NEU3: variants seen among roughly 807,000 people sequenced by gnomAD.
NEU3 encodes the protein sialidase-3.
NEU3 carries 10 observed loss-of-function variants against 11.4 expected under a neutral mutation model. That is an observed-to-expected ratio of 0.88 (90% CI 0.54 to 1.49). The LOEUF is 1.49. Among genes scored for constraint, NEU3 ranks in the 40% most tolerant of loss-of-function variants. NEU3 has a pLI of 0.00. For missense variants in NEU3, 529 were observed against 581.8 expected, an observed-to-expected ratio of 0.91 and a Z score of 0.93; for synonymous variants, 212 against 228.2, an observed-to-expected ratio of 0.93 and a Z score of 0.64.
intron 1 of NEU3, among the ~76,000 whole-genome samples, 173 bp downstream of exon 1, chr11:74,989,327 C>T (rs1201159323): frequency 6.6e-6 from 1 of 152,206 alleles, no homozygotes; most frequent in African/African-American, 2.4e-5. Flanking sequence ...TATTTTTATT[C>T]GTTCTCACAG....
chr11:74,990,013 A>G (rs886453869), intron 1 of NEU3: 17 of 702,424 alleles, frequency 2.4e-5, no homozygotes, highest in Admixed American at 1.0e-4. Flanking sequence ...ATCACCATCT[A>G]TATTACTTCT....
intron 2 of NEU3, among the ~76,000 whole-genome samples, chr11:74,998,727 C>T (rs752174709): frequency 1.3e-5 from 2 of 152,218 alleles, no homozygotes; most frequent in Non-Finnish European, 2.9e-5. Context: ...AACATTGGCT[C>T]ACATTTCTCT....
At chr11:75,001,651 G>T (rs1032674535) in intron 2 of NEU3, among the ~76,000 whole-genome samples, 9 of 152,272 alleles carry the variant, frequency 5.9e-5, no homozygotes, top group Middle Eastern at 3.4e-3. Context: ...TCTCTGTCAA[G>T]CCTCAGCTTG....
chr11:75,017,511 C>T (rs780797839), intron 3 of NEU3, among the ~76,000 whole-genome samples: 1 of 152,202 alleles, frequency 6.6e-6, no homozygotes, highest in Non-Finnish European at 1.5e-5. Flanking sequence ...AAGGCTGCAA[C>T]TGTCAGAAGG....
At chr11:75,015,040 G>A (rs1256777530), downstream of NEU3, among the ~76,000 whole-genome samples, 1 of 152,100 alleles carries the variant, frequency 6.6e-6, no homozygotes, top group Non-Finnish European at 1.5e-5. Flanking sequence ...CCCATAATGT[G>A]TGCGCAATGT....
At chr11:75,015,665 T>C (rs1948977739), downstream of NEU3, among the ~76,000 whole-genome samples, 1 of 152,108 alleles carries the variant, frequency 6.6e-6, no homozygotes, top group South Asian at 2.1e-4. Context: ...CTTCTTCATA[T>C]ATTACCTTAC....
intron 1 of NEU3, 143 bp downstream of exon 1, chr11:74,989,297 A>T (rs1948705975): frequency 1.5e-6 from 1 of 660,000 alleles, no homozygotes; most frequent in Non-Finnish European, 2.6e-6. Context: ...TGACCTGGCC[A>T]GAGAATTCTT....
intron 2 of NEU3, among the ~76,000 whole-genome samples, chr11:75,005,210 T>C (rs1948884943): frequency 6.6e-6 from 1 of 152,212 alleles, no homozygotes; most frequent in African/African-American, 2.4e-5. Flanking sequence ...AGGAGACAGC[T>C]TGTACAACAT....
chr11:74,982,485 A>G, the NEU3 span, among the ~76,000 whole-genome samples: 1 of 152,190 alleles, frequency 6.6e-6, no homozygotes, highest in Non-Finnish European at 1.5e-5. Context: ...TGCCTCTCCC[A>G]ACAGTGTCTC....
At chr11:75,014,597 G>C (rs1948973229), downstream of NEU3, among the ~76,000 whole-genome samples, 1 of 152,196 alleles carries the variant, frequency 6.6e-6, no homozygotes, top group Non-Finnish European at 1.5e-5. Context: ...ACTAGAATAG[G>C]CTGGGCATGG....
intron 1 of NEU3, chr11:74,990,200 T>C: frequency 1.8e-6 from 1 of 555,482 alleles, no homozygotes; most frequent in Non-Finnish European, 3.2e-6. Flanking sequence ...TCTGCTTAGG[T>C]AGGTATTATT....
At position 75,010,050 on chromosome 11, in the gene NEU3, A is replaced by G. The variant is rs1948941371; in HGVS notation, c.*3558A>G. The G allele has an allele frequency of 6.6e-6, 1 of 152,230 alleles. No homozygotes were observed. The highest frequency in any genetic ancestry group is 2.4e-5 in the African/African-American group (1 of 41,452). 9.4% of individuals were successfully genotyped at this position (152,230 alleles called of 1,614,324 possible). ...GCTTCTCACTCTTCTTGAGTAGGCC[A>G]TAATCCACCTCTTCAGTAGGCCATG... On this transcript the variant is annotated 3_prime_UTR_variant, in exon 3 of 3. Coordinates refer to ENST00000294064, the MANE Select transcript of NEU3 (RefSeq NM_006656.6).
intron 3 of NEU3, among the ~76,000 whole-genome samples, chr11:75,016,597 G>T (rs1948982505): frequency 6.6e-6 from 1 of 152,176 alleles, no homozygotes; most frequent in African/African-American, 2.4e-5. Context: ...AGTATTTGTT[G>T]AATGAATTAA....
At chr11:74,999,505 A>G (rs190861549) in intron 2 of NEU3, among the ~76,000 whole-genome samples, 15 of 152,352 alleles carry the variant, frequency 9.8e-5, no homozygotes, top group African/African-American at 3.6e-4. Context: ...ATTGGTAGTT[A>G]CTGAAATCTT....
At chr11:74,989,987 G>C (rs902283691) in intron 1 of NEU3, 4 of 702,394 alleles carry the variant, frequency 5.7e-6, no homozygotes, top group Admixed American at 4.0e-5. Flanking sequence ...GAAACGTTTT[G>C]GGTGGCAATG....
In NEU3 at chr11:75,006,008, T is replaced by A; in HGVS notation, c.902T>A (p.Leu301Gln). The change falls in exon 3 of 3, where the codon CTG becomes CAG. Residue 301 changes from leucine to glutamine, a missense_variant. Transcript: ENST00000294064. ...DHGEGFQRLA[L>Q]SRQLCEPPHG... ...GGTGAAGGCTTTCAGAGACTGGCCC[T>A]GAGTCGACAGCTCTGTGAGCCCCCA... 1 of 1,613,956 alleles carries A rather than the reference T, an allele frequency of 6.2e-7. No homozygotes were observed. Among genetic ancestry groups the A allele is most frequent in the Non-Finnish European group, 8.5e-7 (1 of 1,179,874 alleles).
the NEU3 span, among the ~76,000 whole-genome samples, chr11:74,981,677 G>A: frequency 5.3e-5 from 8 of 152,128 alleles, no homozygotes; most frequent in Non-Finnish European, 1.0e-4. Context: ...TGAAAGCATC[G>A]CAGGCTAACT....
chr11:75,003,192 G>A (rs957482740), intron 2 of NEU3, among the ~76,000 whole-genome samples: 27 of 152,076 alleles, frequency 1.8e-4, no homozygotes, highest in Non-Finnish European at 7.4e-5. Context: ...CTTATTCCTT[G>A]GATTTGGCCC....
chr11:75,016,609 G>C (rs543394469), intron 3 of NEU3, among the ~76,000 whole-genome samples: 19 of 152,242 alleles, frequency 1.2e-4, no homozygotes, highest in African/African-American at 4.6e-4. Flanking sequence ...ATGAATTAAT[G>C]GCCATTCTAT....
Sources: gnomAD v4.1 joint callset for allele counts (sites outside exome capture counted in the v4.1 genomes callset) on GRCh38, gnomAD v4.1.1 for gene constraint, MANE v1.5 for transcripts, NCBI Gene and HGNC (gene_info 2026-07-23, HGNC 2026-07-21) for gene names.